The following MAP3K4 variants were observed in gnomAD, a reference collection of about 807,000 sequenced individuals.
MAP3K4 encodes the protein MAP three kinase 1.
In MAP3K4, 67 loss-of-function variants were observed where a neutral mutation model predicts 185.6. That is an observed-to-expected ratio of 0.36 (90% CI 0.30 to 0.44). The LOEUF is 0.44. MAP3K4 is among the 20% of genes least tolerant of loss of function. The pLI is 1.00. For missense variants in MAP3K4, 1,551 were observed against 1,995.1 expected (o/e 0.78, Z 4.24); for synonymous variants, 702 against 710.4 (o/e 0.99, Z 0.19).
intron 1 of MAP3K4, among the ~76,000 whole-genome samples, chr6:161,002,887 G>A (rs746015144): frequency 2.0e-5 from 3 of 152,018 alleles, no homozygotes; most frequent in Non-Finnish European, 2.9e-5. Context: ...TCCCGCACCC[G>A]GCCGGCATAT....
rs1473344122 is a variant in MAP3K4, at chr6:161,108,211, C to T, written c.4119+242C>T. Among the ~76,000 whole-genome samples the T allele has an allele frequency of 6.6e-6, 1 of 152,104 alleles. No homozygotes were observed. Among genetic ancestry groups the T allele is most frequent in the Non-Finnish European group, 1.5e-5 (1 of 68,020 alleles). The stretch of plus-strand genomic sequence containing the variant: ...TCTAACAGCACAGGTGTGAGAAGGG[C>T]CTATGAGGGTGGCAGAGCTGAGTCT... On this transcript the variant is annotated intron_variant, in intron 21 of 26. Transcript: ENST00000392142. This position sits in a 1 kb window ranked among gnomAD's most constrained non-coding sequence, Gnocchi z 5.7.
At chr6:161,012,282 C>G (rs970263836) in intron 1 of MAP3K4, among the ~76,000 whole-genome samples, 1 of 152,144 alleles carries the variant, frequency 6.6e-6, no homozygotes, top group Non-Finnish European at 1.5e-5. Context: ...TTGTATGGGT[C>G]GGTTCCTATG....
intron 1 of MAP3K4, among the ~76,000 whole-genome samples, chr6:161,010,494 A>G (rs566056769): frequency 3.8e-3 from 122 of 31,794 alleles, no homozygotes; most frequent in African/African-American, 8.6e-3. Context: ...TGTTTCTTTC[A>G]AATGTTTTTT....
At position 160,992,194 on chromosome 6, in the gene MAP3K4, C is replaced by T. The variant is rs1209973483; in HGVS notation, c.152+111C>T. On this transcript the variant is annotated intron_variant, in intron 1 of 26. Coordinates refer to ENST00000392142, the MANE Select transcript of MAP3K4 (RefSeq NM_005922.4). Reference sequence around the variant, plus strand: ...CCCGCCAGGTGGGGAGGGAAGCATCCAGTCTCTGCAGGCTGGGGCGGGAGG... The same window carrying T: ...CCCGCCAGGTGGGGAGGGAAGCATCTAGTCTCTGCAGGCTGGGGCGGGAGG... 1.0e-5 allele frequency: 14 copies of T among 1,360,936 alleles called. No individual in the cohort carries two copies. The East Asian group carries it at 1.5e-4, about 14-fold the overall frequency. 84.3% of individuals were successfully genotyped at this position (1,360,936 alleles called of 1,614,324 possible).
At position 161,043,066 on chromosome 6, in the gene MAP3K4, TATC is replaced by T. The variant is rs1783563311; in HGVS notation, c.344-5547_344-5545del. 1.3e-5 allele frequency among the ~76,000 whole-genome samples: 2 copies of T among 152,226 alleles called. No homozygotes were observed. Among genetic ancestry groups the T allele is most frequent in the South Asian group, 4.1e-4 (2 of 4,826 alleles). ...ATTAGAATGTTTGCTTTTTAAAGAA[TATC>T]ATACTGATGTAAAATGGAGCTGGTA... is the stretch of plus-strand genomic sequence containing the variant. On this transcript the variant is annotated intron_variant, in intron 2 of 26. Coordinates refer to ENST00000392142, the MANE Select transcript of MAP3K4 (RefSeq NM_005922.4). The surrounding 1 kb of genome is among the most constrained non-coding windows in gnomAD (Gnocchi z 4.3).
In MAP3K4 at chr6:161,080,678, G is replaced by A. The variant is rs1419861989; in HGVS notation, c.2098-203G>A. ...GTCAATAATATGTTAAATTGCTGGG[G>A]AGTTAGTTTTGTGATTTTTTAAAAA... On this transcript the variant is annotated intron_variant, in intron 5 of 26. Coordinates refer to ENST00000392142, the MANE Select transcript of MAP3K4 (RefSeq NM_005922.4). This position sits in a 1 kb window ranked among gnomAD's most constrained non-coding sequence, Gnocchi z 4.8. 3 of 524,770 alleles carry A rather than the reference G, an allele frequency of 5.7e-6. No individual in the cohort carries two copies. The highest frequency in any genetic ancestry group is 1.0e-5 in the Non-Finnish European group (3 of 296,022). 32.5% of individuals were successfully genotyped at this position (524,770 alleles called of 1,614,324 possible).
chr6:161,082,950 G>A lies in MAP3K4; in HGVS notation c.2256-1551G>A, dbSNP rs934715479. ...TCCCCATCTTACTCAGGAAACGTAA[G>A]ACTGCCTAACAATGGCCCGCAAGGC... On this transcript the variant is annotated intron_variant, in intron 6 of 26. Transcript: ENST00000392142. The surrounding 1 kb of genome is among the most constrained non-coding windows in gnomAD (Gnocchi z 4.2). Among the ~76,000 whole-genome samples the A allele has an allele frequency of 6.6e-6, 1 of 152,190 alleles. No homozygotes were observed. Among genetic ancestry groups the A allele is most frequent in the African/African-American group, 2.4e-5 (1 of 41,454 alleles).
chr6:160,997,526 C>A (rs1781056227), intron 1 of MAP3K4, among the ~76,000 whole-genome samples: 1 of 152,134 alleles, frequency 6.6e-6, no homozygotes, highest in Non-Finnish European at 1.5e-5. Flanking sequence ...GGGGTGGTAC[C>A]TGAGTAGCTC....
At position 161,034,211 on chromosome 6, in the gene MAP3K4, C is replaced by A; in HGVS notation, c.153-48C>A. On this transcript the variant is annotated intron_variant, in intron 1 of 26. Coordinates refer to ENST00000392142, the MANE Select transcript of MAP3K4 (RefSeq NM_005922.4). This position sits in a 1 kb window ranked among gnomAD's most constrained non-coding sequence, Gnocchi z 4.4. ...AAAAAATTATAAGTAAATTTGAATT[C>A]ACTTAACTGTGTTGCTGAATATTTT... is the stretch of plus-strand genomic sequence containing the variant. The A allele has an allele frequency of 7.2e-7, 1 of 1,382,588 alleles. No homozygotes were observed. The highest frequency in any genetic ancestry group is 1.4e-5 in the South Asian group (1 of 72,624). The allele number at this position is 1,382,588 out of a possible 1,614,324, so 85.6% of individuals were successfully genotyped here. A position where few individuals can be genotyped will look rare whatever the true frequency, so the allele number is the denominator to read the frequency against.
At chr6:160,997,880 C>T (rs577841557) in intron 1 of MAP3K4, among the ~76,000 whole-genome samples, 20 of 152,048 alleles carry the variant, frequency 1.3e-4, no homozygotes, top group African/African-American at 2.2e-4. Flanking sequence ...GAGAGAAACG[C>T]GCATTTTACT....
Position 161,088,623 on chromosome 6 carries a change from C to G in MAP3K4, c.2823+669C>G, listed in dbSNP as rs1302571018. 1.3e-5 allele frequency among the ~76,000 whole-genome samples: 2 copies of G among 152,230 alleles called. No homozygotes were observed. The highest frequency in any genetic ancestry group is 2.4e-5 in the African/African-American group (1 of 41,454). On this transcript the variant is annotated intron_variant, in intron 10 of 26. Coordinates refer to ENST00000392142, the MANE Select transcript of MAP3K4 (RefSeq NM_005922.4). The surrounding 1 kb of genome is among the most constrained non-coding windows in gnomAD (Gnocchi z 4.5). ...AGCTAATATAAATTCAGCCTCCCAT[C>G]TTTCCAGTTAATACCTTGCCCTGGA...
In MAP3K4 at chr6:161,073,298, C is replaced by T. The variant is rs1785028872; in HGVS notation, c.1951-168C>T. Reference sequence around the variant, plus strand: ...TTTTGTTGCTTCTCAATTGAGACTACTAAGGTATTTACATAAAATGAACTG... The same window carrying T: ...TTTTGTTGCTTCTCAATTGAGACTATTAAGGTATTTACATAAAATGAACTG... On this transcript the variant is annotated intron_variant, in intron 4 of 26. Transcript: ENST00000392142. This position sits in a 1 kb window ranked among gnomAD's most constrained non-coding sequence, Gnocchi z 4.2. 2 of 506,424 alleles carry T rather than the reference C, an allele frequency of 3.9e-6. No individual in the cohort carries two copies. The highest frequency in any genetic ancestry group is 6.7e-6 in the Non-Finnish European group (2 of 296,816). 31.4% of individuals were successfully genotyped at this position (506,424 alleles called of 1,614,324 possible). A position where few individuals can be genotyped will look rare whatever the true frequency, so the allele number is the denominator to read the frequency against.
chr6:161,079,137 C>G (rs1273013965), intron 5 of MAP3K4, among the ~76,000 whole-genome samples: 2 of 145,810 alleles, frequency 1.4e-5, no homozygotes, highest in African/African-American at 5.1e-5. Flanking sequence ...TCACTTGAAC[C>G]TGGGAGGCAG....
chr6:161,107,050 G>GCGCACACACACA lies in MAP3K4; in HGVS notation c.4048+346_4048+347insGCACACACACAC, dbSNP rs1554287299. Among the ~76,000 whole-genome samples, 17 of 105,186 alleles carry GCGCACACACACA rather than the reference G, an allele frequency of 1.6e-4. No individual in the cohort carries two copies. The highest frequency in any genetic ancestry group is 5.4e-4 in the African/African-American group (16 of 29,796). The allele number at this position is 105,186 out of a possible 152,430, so 69.0% of individuals were successfully genotyped here. Reference sequence around the variant, plus strand: ...TCTCTCTCTCTCTACACACGCGCGCGCACACACACACACACACACACACAC... The same window carrying GCGCACACACACA: ...TCTCTCTCTCTCTACACACGCGCGCGCGCACACACACACACACACACACACACACACACACAC... On this transcript the variant is annotated intron_variant, in intron 20 of 26. Coordinates refer to ENST00000392142, the MANE Select transcript of MAP3K4 (RefSeq NM_005922.4). This position sits in a 1 kb window ranked among gnomAD's most constrained non-coding sequence, Gnocchi z 6.2.
chr6:161,078,465 G>A (rs959525643), intron 5 of MAP3K4, among the ~76,000 whole-genome samples: 8 of 152,230 alleles, frequency 5.3e-5, no homozygotes, highest in Admixed American at 3.3e-4. Context: ...AAAGGAGGGG[G>A]TTGTGAGTTG....
chr6:161,023,282 T>G (rs929363327), intron 1 of MAP3K4, among the ~76,000 whole-genome samples: 1 of 152,234 alleles, frequency 6.6e-6, no homozygotes, highest in African/African-American at 2.4e-5. Flanking sequence ...ACCTAAATAA[T>G]TTTGCCATAA....
At chr6:161,029,496 C>T (rs9295134) in intron 1 of MAP3K4, among the ~76,000 whole-genome samples, 33,485 of 152,130 alleles carry the variant, frequency 0.22, 5,187 homozygotes, top group African/African-American at 0.43. Context: ...CTAGACCAGA[C>T]TGTAGTGTAA....
Position 160,997,683 on chromosome 6 carries a change from G to A in MAP3K4, c.152+5600G>A, listed in dbSNP as rs1022467943. ...CATCTCATACACATATTTGTCCACC[G>A]GCTGTGTCTGCCCTACTTCACTGTC... On this transcript the variant is annotated intron_variant, in intron 1 of 26. Transcript: ENST00000392142. Among the ~76,000 whole-genome samples the A allele has an allele frequency of 2.6e-5, 4 of 152,268 alleles. No homozygotes were observed. The East Asian group carries it at 7.7e-4, about 29-fold the overall frequency.
chr6:161,015,351 G>A (rs1456690418), intron 1 of MAP3K4, among the ~76,000 whole-genome samples: 1 of 152,042 alleles, frequency 6.6e-6, no homozygotes, highest in Non-Finnish European at 1.5e-5. Flanking sequence ...GCTCATTGAT[G>A]CTGGACTTAC....
Sources: gnomAD v4.1 joint callset for allele counts (sites outside exome capture counted in the v4.1 genomes callset) on GRCh38, gnomAD v4.1.1 for gene constraint, Gnocchi (gnomAD v3.1) non-coding constraint, MANE v1.5 for transcripts, NCBI Gene and HGNC (gene_info 2026-07-23, HGNC 2026-07-21) for gene names.